The following CPAMD8 variants were observed in gnomAD, a reference collection of about 807,000 sequenced individuals.
CPAMD8 encodes the protein C3 and PZP like alpha-2-macroglobulin domain containing 8.
In CPAMD8, 146 loss-of-function variants were observed where a neutral mutation model predicts 224.7. The observed-to-expected ratio is 0.65, with a 90% confidence interval of 0.57 to 0.75. The LOEUF (loss-of-function observed/expected upper bound fraction) is 0.75, where lower values mean the gene tolerates loss of function less well. Ranked by LOEUF, CPAMD8 falls within the 30% of genes least tolerant of loss-of-function variation. The pLI, the probability that CPAMD8 is intolerant of heterozygous loss-of-function variation, is 0.00. For missense variants in CPAMD8, 2,301 were observed against 2,537.5 expected (o/e 0.91, Z 2.00); for synonymous variants, 966 against 1,044.6 (o/e 0.92, Z 1.45).
intron 12 of CPAMD8, among the ~76,000 whole-genome samples, chr19:16,990,049 C>T (rs916323665): frequency 1.3e-5 from 2 of 152,126 alleles, no homozygotes; most frequent in Non-Finnish European, 2.9e-5. Context: ...GCCAGGAGTT[C>T]GAGACCAGCC....
chr19:16,966,072 C>T (rs899186481), intron 18 of CPAMD8, among the ~76,000 whole-genome samples: 11 of 152,156 alleles, frequency 7.2e-5, no homozygotes, highest in East Asian at 1.9e-4. Context: ...GGAGGCATCA[C>T]GCTACCTGAG....
intron 18 of CPAMD8, among the ~76,000 whole-genome samples, chr19:16,961,618 C>T (rs1406069033): frequency 6.6e-6 from 1 of 152,278 alleles, no homozygotes; most frequent in Non-Finnish European, 1.5e-5. Context: ...CAGACAGTTT[C>T]TGCAGACTTA....
chr19:17,023,344 G>A (rs1443905444), intron 1 of CPAMD8, among the ~76,000 whole-genome samples: 7 of 152,076 alleles, frequency 4.6e-5, no homozygotes, highest in Non-Finnish European at 1.0e-4. Context: ...CCCCACCTGA[G>A]CTCCTGTCTC....
At chr19:17,012,345 T>TC (rs1555790819) in intron 3 of CPAMD8, among the ~76,000 whole-genome samples, 1 of 135,940 alleles carries the variant, frequency 7.4e-6, no homozygotes, top group Non-Finnish European at 1.6e-5. Context: ...TTTCTTTCTT[T>TC]CTTTCTTTTT....
intron 14 of CPAMD8, among the ~76,000 whole-genome samples, chr19:16,978,056 T>C (rs968167889): frequency 3.9e-5 from 6 of 152,112 alleles, no homozygotes; most frequent in Admixed American, 3.9e-4. Context: ...TAGAAGCCTG[T>C]CCAGGCACTC....
chr19:16,895,784 G>A (rs1190654777), intron 41 of CPAMD8: 1 of 409,336 alleles, frequency 2.4e-6, no homozygotes, highest in Non-Finnish European at 5.0e-6. Context: ...CTGAACCTTA[G>A]CTAACTATAT....
In CPAMD8 at chr19:16,914,312, G is replaced by A; in HGVS notation, c.3861+112C>T. 3 of 799,070 alleles carry A rather than the reference G, an allele frequency of 3.8e-6. No individual in the cohort carries two copies. The South Asian group carries it at 4.7e-5, about 12-fold the overall frequency. The allele number at this position is 799,070 out of a possible 1,614,324, so 49.5% of individuals were successfully genotyped here. On this transcript the variant is annotated intron_variant, in intron 29 of 41. Transcript: ENST00000443236. ...AAAAGCATGAAAAAGCCTCGATAAT[G>A]AGCAGAAGGAGGGCAGGGAGGAAGA...
chr19:16,968,961 A>G (rs1187505838), intron 18 of CPAMD8, among the ~76,000 whole-genome samples: 2 of 152,190 alleles, frequency 1.3e-5, no homozygotes, highest in African/African-American at 4.8e-5. Context: ...TAAGATGAGA[A>G]AGACTGAAAA....
intron 18 of CPAMD8, among the ~76,000 whole-genome samples, chr19:16,967,891 A>AGG (rs1491310820): frequency 1.2e-4 from 3 of 25,922 alleles, no homozygotes; most frequent in Non-Finnish European, 2.0e-4. Flanking sequence ...ATACACACAC[A>AGG]TGTGTGTGTA....
chr19:16,951,646 T>C (rs910185488), intron 20 of CPAMD8, among the ~76,000 whole-genome samples: 4 of 151,648 alleles, frequency 2.6e-5, no homozygotes, highest in African/African-American at 9.7e-5. Context: ...GGCCAGGGAG[T>C]CAGGGACAAC....
At chr19:16,901,358 G>A (rs1359310425) in intron 35 of CPAMD8, 61 bp from the exon 36 acceptor site, 1 of 1,154,978 alleles carries the variant, frequency 8.7e-7, no homozygotes, top group Non-Finnish European at 1.3e-6. Context: ...GGAATTCAAG[G>A]TCCCCTCTCC....
intron 22 of CPAMD8, among the ~76,000 whole-genome samples, chr19:16,944,045 T>C (rs2053991123): frequency 6.6e-6 from 1 of 152,130 alleles, no homozygotes; most frequent in Admixed American, 6.5e-5. Context: ...GCGGTGTCCG[T>C]ACTCCCTGCA....
At chr19:16,971,429 G>T (rs929866421) in intron 17 of CPAMD8, among the ~76,000 whole-genome samples, 1 of 152,114 alleles carries the variant, frequency 6.6e-6, no homozygotes, top group African/African-American at 2.4e-5. Context: ...GACCATCCAG[G>T]GTGGAGAAGA....
chr19:16,906,598 T>A (rs372591331), intron 30 of CPAMD8, among the ~76,000 whole-genome samples: 1 of 151,592 alleles, frequency 6.6e-6, no homozygotes, highest in Non-Finnish European at 1.5e-5. Context: ...GAGACGGGGT[T>A]TCACCATATT....
In CPAMD8 at chr19:16,922,319, T is replaced by C. The variant is rs369127761; in HGVS notation, c.3548-333A>G. On this transcript the variant is annotated intron_variant, in intron 26 of 41. Coordinates refer to ENST00000443236, the MANE Select transcript of CPAMD8 (RefSeq NM_015692.5). ...GTCCCTGAAACTGCCCCACACCACATCTGGGGTTCTTGAAACTGCCTCATA... is the reference window on the plus strand; with the variant it reads ...GTCCCTGAAACTGCCCCACACCACACCTGGGGTTCTTGAAACTGCCTCATA... 9.5e-4 allele frequency among the ~76,000 whole-genome samples: 143 copies of C among 151,134 alleles called. 3 individuals are homozygous for C. The South Asian group carries it at 0.029, about 31-fold the overall frequency.
chr19:17,020,417 T>C, intron 2 of CPAMD8, 64 bp from the exon 3 acceptor site: 1 of 1,203,512 alleles, frequency 8.3e-7, no homozygotes, highest in Non-Finnish European at 1.2e-6. Flanking sequence ...CTCCCTGAGC[T>C]GCAGCCTCAC....
intron 20 of CPAMD8, among the ~76,000 whole-genome samples, chr19:16,948,947 G>A (rs1198109149): frequency 1.0e-5 from 1 of 99,452 alleles, no homozygotes; most frequent in African/African-American, 3.9e-5. Flanking sequence ...AGGAGCAGAG[G>A]GGGGAGGGGA....
At chr19:16,969,047 G>A (rs1037624010) in intron 18 of CPAMD8, among the ~76,000 whole-genome samples, 2 of 152,166 alleles carry the variant, frequency 1.3e-5, no homozygotes, top group African/African-American at 4.8e-5. Flanking sequence ...GAGGAGGGAA[G>A]GATGAGAGGA....
intron 23 of CPAMD8, among the ~76,000 whole-genome samples, chr19:16,937,019 T>C (rs2053708390): frequency 6.7e-6 from 1 of 150,146 alleles, no homozygotes. Flanking sequence ...TTCCTTCCTT[T>C]CCTTCCCTTC....
Sources: gnomAD v4.1 joint callset for allele counts (sites outside exome capture counted in the v4.1 genomes callset) on GRCh38, gnomAD v4.1.1 for gene constraint, MANE v1.5 for transcripts, NCBI Gene and HGNC (gene_info 2026-07-23, HGNC 2026-07-21) for gene names.